FGD3: variants seen among roughly 807,000 people sequenced by gnomAD.
FGD3 encodes FYVE, RhoGEF and PH domain-containing protein 3.
FGD3 carries 45 observed loss-of-function variants against 71.8 expected under a neutral mutation model. That is an observed-to-expected ratio of 0.63 (90% CI 0.49 to 0.80). The LOEUF is 0.80. Ranked by LOEUF, FGD3 falls within the 30% of genes least tolerant of loss-of-function variation. The pLI is 0.00. For synonymous variants in FGD3, 378 were observed against 392.8 expected, an observed-to-expected ratio of 0.96 and a Z score of 0.44; for missense variants, 844 against 951.5, an observed-to-expected ratio of 0.89 and a Z score of 1.49.
chr9:93,018,819 C>A (rs1208102909), intron 11 of FGD3, among the ~76,000 whole-genome samples: 1 of 152,174 alleles, frequency 6.6e-6, no homozygotes, highest in Non-Finnish European at 1.5e-5. Flanking sequence ...GCAGGCCCAG[C>A]ACGTTCTTAG....
At chr9:92,971,337 C>G (rs1006922840) in intron 1 of FGD3, among the ~76,000 whole-genome samples, 2 of 151,960 alleles carry the variant, frequency 1.3e-5, no homozygotes, top group African/African-American at 4.8e-5. Context: ...TGAGGGCCTC[C>G]GATGAGCACA....
intron 14 of FGD3, among the ~76,000 whole-genome samples, chr9:93,024,789 A>C (rs1483089170): frequency 6.6e-6 from 1 of 152,206 alleles, no homozygotes; most frequent in African/African-American, 2.4e-5. Context: ...GGTCCTGGGG[A>C]GTCTAACCCC....
Position 93,013,890 on chromosome 9 carries a change from G to C in FGD3, c.1074G>C (p.Leu358=). ...AGCTCTTGGAGGTGTACGAGCAGCT[G>C]GGTGGGGAAGAAGACATTGTCAACC... The part of the protein sequence containing the change: ...MHKLLEVYEQ[L]GGEEDIVNPA... The change falls in exon 9 of 18, where the codon CTG becomes CTC. Residue 358 remains leucine, a synonymous_variant. Coordinates refer to ENST00000375482, the MANE Select transcript of FGD3 (RefSeq NM_001083536.2). 1 of 1,612,682 alleles carries C rather than the reference G, an allele frequency of 6.2e-7. No individual in the cohort carries two copies. The highest frequency in any genetic ancestry group is 1.1e-5 in the South Asian group (1 of 90,630).
chr9:93,019,928 G>T, intron 12 of FGD3, 67 bp downstream of exon 12: 1 of 1,569,198 alleles, frequency 6.4e-7, no homozygotes, highest in South Asian at 1.1e-5. Flanking sequence ...CATTCATGTT[G>T]GTTCAGAGGG....
chr9:93,030,718 CA>C (rs58660671), intron 15 of FGD3, among the ~76,000 whole-genome samples: 44,085 of 88,358 alleles, frequency 0.5, 7,865 homozygotes, highest in African/African-American at 0.58. Flanking sequence ...GGGGGGGCAG[CA>C]GGGGGGGGGG....
chr9:92,976,466 G>T lies in FGD3; in HGVS notation c.210G>T (p.Lys70Asn). The T allele has an allele frequency of 6.2e-7, 1 of 1,612,070 alleles. No individual in the cohort carries two copies. Among genetic ancestry groups the T allele is most frequent in the Non-Finnish European group, 8.5e-7 (1 of 1,179,520 alleles). ...CGGGAGAGCTGAGTGGTAGCTTAAA[G>T]ATCCCCAACCGGGACAGCGGGATCG... ...GPTGELSGSL[K>N]IPNRDSGIDS... Residue 70 changes from lysine to asparagine, a missense_variant, in exon 3 of 18, where the codon AAG becomes AAT. Coordinates refer to ENST00000375482, the MANE Select transcript of FGD3 (RefSeq NM_001083536.2).
At chr9:93,000,703 C>T (rs1860827730) in intron 3 of FGD3, among the ~76,000 whole-genome samples, 2 of 152,080 alleles carry the variant, frequency 1.3e-5, no homozygotes, top group South Asian at 4.1e-4. Context: ...TCTCTCGCTG[C>T]TTTCAAGATT....
intron 3 of FGD3, among the ~76,000 whole-genome samples, chr9:92,983,218 T>C (rs1171165351): frequency 2.0e-5 from 3 of 151,992 alleles, no homozygotes; most frequent in African/African-American, 7.3e-5. Flanking sequence ...GCACACTAAT[T>C]TAACATAACA....
chr9:92,970,912 C>T (rs893124546), intron 1 of FGD3, among the ~76,000 whole-genome samples: 1 of 152,264 alleles, frequency 6.6e-6, no homozygotes, highest in Admixed American at 6.5e-5. Context: ...CCCGGCTACA[C>T]TTCCCAAAGT....
chr9:93,029,734 T>G (rs1862282289), intron 14 of FGD3, 140 bp from the exon 15 acceptor site: 2 of 1,167,088 alleles, frequency 1.7e-6, no homozygotes, highest in African/African-American at 3.1e-5. Flanking sequence ...GGCTCTTCAC[T>G]TCATTCCCTT....
chr9:92,976,816 C>T (rs1587824521), intron 3 of FGD3, 107 bp downstream of exon 3: 11 of 1,234,984 alleles, frequency 8.9e-6, no homozygotes, highest in East Asian at 2.6e-5. Context: ...AGGAATGTGG[C>T]ACACAGGCTC....
Position 93,018,304 on chromosome 9 carries a change from G to C in FGD3, c.1355+89G>C, listed in dbSNP as rs1344205039. The C allele has an allele frequency of 4.8e-6, 6 of 1,247,228 alleles. No homozygotes were observed. In the East Asian group the frequency reaches 7.1e-5, roughly 15 times the overall value. The allele number at this position is 1,247,228 out of a possible 1,614,324, so 77.3% of individuals were successfully genotyped here. A position where few individuals can be genotyped will look rare whatever the true frequency, so the allele number is the denominator to read the frequency against. ...AACCTTGTAATATATTTTTATTTATGCATGGCTTAAAATTTAAAAGTACTG... is the reference window on the plus strand; with the variant it reads ...AACCTTGTAATATATTTTTATTTATCCATGGCTTAAAATTTAAAAGTACTG... On this transcript the variant is annotated intron_variant, in intron 11 of 17. Coordinates refer to ENST00000375482, the MANE Select transcript of FGD3 (RefSeq NM_001083536.2).
At chr9:93,011,338 G>A in intron 8 of FGD3, 66 bp downstream of exon 8, 1 of 1,581,390 alleles carries the variant, frequency 6.3e-7, no homozygotes, top group Non-Finnish European at 8.7e-7. Context: ...AGGGGCCCTT[G>A]TGGGCCAGCC....
intron 1 of FGD3, among the ~76,000 whole-genome samples, chr9:92,964,884 C>T (rs1461344793): frequency 6.6e-6 from 1 of 152,178 alleles, no homozygotes; most frequent in African/African-American, 2.4e-5. Flanking sequence ...CAGACGTGTC[C>T]TGGGGGCTAG....
At chr9:93,026,614 C>T (rs1339904428) in intron 14 of FGD3, among the ~76,000 whole-genome samples, 1 of 152,236 alleles carries the variant, frequency 6.6e-6, no homozygotes, top group African/African-American at 2.4e-5. Context: ...GCCAGTGGGA[C>T]TCCCGGCACT....
chr9:92,998,500 G>T (rs539795856), intron 3 of FGD3, among the ~76,000 whole-genome samples: 10 of 152,282 alleles, frequency 6.6e-5, no homozygotes, highest in African/African-American at 2.2e-4. Flanking sequence ...TCTCCTTCCA[G>T]CTTTGTTCCG....
At chr9:92,955,889 A>G (rs1453151680) in intron 1 of FGD3, among the ~76,000 whole-genome samples, 1 of 152,238 alleles carries the variant, frequency 6.6e-6, no homozygotes, top group Non-Finnish European at 1.5e-5. Flanking sequence ...AAGGGAATTC[A>G]TGCAGGGGAA....
intron 3 of FGD3, among the ~76,000 whole-genome samples, chr9:92,990,715 A>G (rs114715069): frequency 1.9e-3 from 288 of 152,366 alleles, no homozygotes; most frequent in African/African-American, 6.5e-3. Flanking sequence ...AATGTGATGT[A>G]TCACATTTAT....
At chr9:93,007,207 C>T (rs985446410) in intron 6 of FGD3, among the ~76,000 whole-genome samples, 5 of 151,954 alleles carry the variant, frequency 3.3e-5, no homozygotes, top group African/African-American at 1.2e-4. Context: ...TCTCCTGCCT[C>T]AGCCTCCTGA....
Sources: allele counts gnomAD v4.1 joint callset (sites outside exome capture counted in the v4.1 genomes callset), GRCh38; gene constraint gnomAD v4.1.1; transcripts MANE v1.5; gene names NCBI Gene and HGNC (gene_info 2026-07-23, HGNC 2026-07-21).